The following EFL1 variants were observed in gnomAD, a reference collection of about 807,000 sequenced individuals.
EFL1 encodes elongation factor like GTPase 1.
Under a neutral mutation model 126.7 loss-of-function variants are expected in EFL1, and 76 were observed. The ratio of observed to expected loss-of-function variants is 0.60; its 90% CI spans 0.50 to 0.73. EFL1 has a LOEUF of 0.73. EFL1 is among the 30% of genes least tolerant of loss of function. EFL1 has a pLI of 0.00. For missense variants in EFL1, 1,128 were observed against 1,343.2 expected (o/e 0.84, Z 2.50); for synonymous variants, 410 against 448.4 (o/e 0.91, Z 1.08).
intron 19 of EFL1, among the ~76,000 whole-genome samples, chr15:82,132,952 T>TA (rs1350632479): frequency 6.6e-6 from 1 of 151,684 alleles, no homozygotes; most frequent in African/African-American, 2.4e-5. Flanking sequence ...ACGATACCAG[T>TA]AGGGCTGAGT....
intron 18 of EFL1, among the ~76,000 whole-genome samples, chr15:82,148,149 G>A (rs1308628150): frequency 6.6e-6 from 1 of 152,106 alleles, no homozygotes; most frequent in Non-Finnish European, 1.5e-5. Flanking sequence ...GGAGGCTGAG[G>A]CGGATGGATC....
intron 15 of EFL1, 136 bp downstream of exon 15, chr15:82,214,581 G>A (rs776441611): frequency 3.6e-6 from 4 of 1,107,944 alleles, no homozygotes; most frequent in Non-Finnish European, 5.1e-6. Context: ...AATGTACTAA[G>A]TTAAAGATAC....
intron 3 of EFL1, among the ~76,000 whole-genome samples, chr15:82,258,526 G>T (rs1204782248): frequency 2.6e-5 from 4 of 152,200 alleles, no homozygotes; most frequent in African/African-American, 9.7e-5. Context: ...CTGCACTCTA[G>T]CCTGGGCAAC....
chr15:82,213,234 A>C (rs2074608004), intron 15 of EFL1, among the ~76,000 whole-genome samples: 1 of 152,186 alleles, frequency 6.6e-6, no homozygotes, highest in South Asian at 2.1e-4. Context: ...AAATTTGGTA[A>C]ACAAAGATTT....
chr15:82,248,993 TTAGA>T (rs2074997163), intron 4 of EFL1, among the ~76,000 whole-genome samples: 1 of 152,092 alleles, frequency 6.6e-6, no homozygotes, highest in Non-Finnish European at 1.5e-5. Context: ...AGAAATAAAG[TTAGA>T]TAGTTACCTC....
At chr15:82,176,056 C>T (rs867947668) in intron 15 of EFL1, among the ~76,000 whole-genome samples, 13 of 152,050 alleles carry the variant, frequency 8.5e-5, no homozygotes, top group Non-Finnish European at 1.8e-4. Flanking sequence ...ATGTAAACTA[C>T]ACAAACTGAT....
At chr15:82,253,086 T>C (rs561544765) in intron 3 of EFL1, among the ~76,000 whole-genome samples, 2 of 152,086 alleles carry the variant, frequency 1.3e-5, no homozygotes, top group East Asian at 3.9e-4. Context: ...TTGCCCAGGC[T>C]GGAATGCAAT....
intron 15 of EFL1, among the ~76,000 whole-genome samples, chr15:82,167,245 A>G (rs923134195): frequency 1.3e-5 from 2 of 152,202 alleles, no homozygotes; most frequent in African/African-American, 2.4e-5. Flanking sequence ...CTGATTGAAG[A>G]TAAGTGATCA....
intron 2 of EFL1, among the ~76,000 whole-genome samples, chr15:82,260,953 A>G (rs1436722873): frequency 6.6e-6 from 1 of 152,242 alleles, no homozygotes; most frequent in African/African-American, 2.4e-5. Context: ...CTTAGCATGA[A>G]GGAGCGCTAT....
intron 18 of EFL1, among the ~76,000 whole-genome samples, chr15:82,144,668 G>C (rs2141219906): frequency 6.6e-6 from 1 of 152,292 alleles, no homozygotes; most frequent in South Asian, 2.1e-4. Flanking sequence ...AAAATGCTGA[G>C]GAAATGTAAA....
At chr15:82,222,451 G>A (rs1424715535) in intron 12 of EFL1, among the ~76,000 whole-genome samples, 3 of 152,090 alleles carry the variant, frequency 2.0e-5, no homozygotes, top group Non-Finnish European at 2.9e-5. Context: ...TAGTTTTAGT[G>A]AAAAAAGAAG....
intron 6 of EFL1, among the ~76,000 whole-genome samples, chr15:82,239,304 T>C (rs1326674627): frequency 6.6e-6 from 1 of 151,854 alleles, no homozygotes; most frequent in African/African-American, 2.4e-5. Context: ...GCCCGGCTAA[T>C]TTTTTGTATT....
intron 7 of EFL1, among the ~76,000 whole-genome samples, chr15:82,237,598 G>A (rs2074886795): frequency 6.6e-6 from 1 of 152,172 alleles, no homozygotes; most frequent in Admixed American, 6.5e-5. Context: ...AAACAGTTTG[G>A]TAGTTTCTTT....
In EFL1 at chr15:82,229,091, A is replaced by G. The variant is rs1169219816; in HGVS notation, c.875T>C (p.Leu292Ser). 6.2e-7 allele frequency: 1 copy of G among 1,611,426 alleles called. No homozygotes were observed. The highest frequency in any genetic ancestry group is 2.2e-5 in the East Asian group (1 of 44,742). ...ATTTTCCAGGATCAACTGTACAAAT[A>G]AAGGTTTCTTTCCTTTGGCCTGTAC... ...KGDQAKGKKP[L>S]FVQLILENIW... The change falls in exon 9 of 20, where the codon TTA (leucine) becomes TCA (serine). Residue 292 changes from leucine to serine, a missense_variant. Transcript: ENST00000268206.
chr15:82,152,393 T>G lies in EFL1; in HGVS notation c.2061A>C (p.Glu687Asp). 6.2e-7 allele frequency: 1 copy of G among 1,612,082 alleles called. No individual in the cohort carries two copies. The highest frequency in any genetic ancestry group is 8.5e-7 in the Non-Finnish European group (1 of 1,179,842). ...TTGTTTCTCTGAATGGAATAATAGG[T>G]TCAGATACACTGATATGAATCTTTG... ...RFAKIHISVS[E>D]PIIPFRETIT... The change falls in exon 18 of 20, where the codon GAA becomes GAC. Residue 687 changes from glutamate (E) to aspartate (D), a missense_variant. This residue lies in a region of EFL1 where 561 missense variants were observed against 641.7 expected (regional missense o/e 0.87). Transcript: ENST00000268206.
rs560451359 is a variant in EFL1 at position 82,195,614 on chromosome 15, T to G, written c.1750+19103A>C. 1.4e-4 allele frequency among the ~76,000 whole-genome samples: 21 copies of G among 152,316 alleles called. 1 individual carries two copies. The highest frequency in any genetic ancestry group is 1.2e-3 in the Admixed American group (18 of 15,302). On this transcript the variant is annotated intron_variant, in intron 15 of 19. Transcript: ENST00000268206. ...TCCCTCAAGTTTCCCATATGTAACC[T>G]AGAAGCTAAACGCCAACAAACTAAT...
chr15:82,196,772 G>T (rs369761315), intron 15 of EFL1, among the ~76,000 whole-genome samples: 1 of 152,192 alleles, frequency 6.6e-6, no homozygotes, highest in Non-Finnish European at 1.5e-5. Context: ...GGTGGCTCTC[G>T]CCTGTAATCC....
At chr15:82,212,187 C>T (rs910006192) in intron 15 of EFL1, among the ~76,000 whole-genome samples, 2 of 152,132 alleles carry the variant, frequency 1.3e-5, no homozygotes, top group Admixed American at 6.5e-5. Flanking sequence ...TTTATAGCTA[C>T]AGCAATAAAA....
intron 15 of EFL1, among the ~76,000 whole-genome samples, chr15:82,170,444 C>G (rs2074123731): frequency 6.6e-6 from 1 of 152,198 alleles, no homozygotes; most frequent in Non-Finnish European, 1.5e-5. Flanking sequence ...AAACCAAGGT[C>G]ATTATTGACA....
Sources: allele counts gnomAD v4.1 joint callset (sites outside exome capture counted in the v4.1 genomes callset), GRCh38; gene constraint gnomAD v4.1.1; regional missense constraint gnomAD v4.1.1; transcripts MANE v1.5; gene names NCBI Gene and HGNC (gene_info 2026-07-23, HGNC 2026-07-21).